The following SEM1 variants were observed in gnomAD, a reference collection of about 807,000 sequenced individuals.
The protein encoded by SEM1 is 26S proteasome complex subunit SEM1.
In SEM1, 3 loss-of-function variants were observed where a neutral mutation model predicts 12.7. The observed-to-expected ratio is 0.24, with a 90% CI of 0.11 to 0.61. The LOEUF is 0.61. Among genes scored for constraint, SEM1 ranks in the 20% least tolerant of loss-of-function variants. The probability of loss-of-function intolerance (pLI) is 0.88; values close to 1 mark genes in which losing one functional copy is unlikely to be tolerated. For synonymous variants in SEM1, 30 were observed against 27.8 expected, an observed-to-expected ratio of 1.08 and a Z score of -0.25; for missense variants, 59 against 81.3, an observed-to-expected ratio of 0.73 and a Z score of 1.06.
At chr7:96,696,956 G>C (rs1790116047) in intron 1 of SEM1, 1 of 151,928 alleles carries the variant, frequency 6.6e-6, no homozygotes, top group Non-Finnish European at 1.5e-5. Context: ...GTTAACTCCA[G>C]AAATAGTTTT....
At chr7:96,689,012 A>G in intron 2 of SEM1, 46 bp from the exon 3 acceptor site, 4 of 1,191,022 alleles carry the variant, frequency 3.4e-6, no homozygotes, top group Non-Finnish European at 5.0e-6. Flanking sequence ...TTTATAATAA[A>G]CATTCTTTTA....
chr7:96,708,367 A>T (rs1281916173), intron 1 of SEM1, among the ~76,000 whole-genome samples: 1 of 152,238 alleles, frequency 6.6e-6, no homozygotes, highest in Non-Finnish European at 1.5e-5. Context: ...CTCTTCCACT[A>T]AACAAAGTAA....
At chr7:96,670,047 A>T (rs1789273010), downstream of SEM1, among the ~76,000 whole-genome samples, 1 of 152,188 alleles carries the variant, frequency 6.6e-6, no homozygotes, top group Admixed American at 6.5e-5. Flanking sequence ...GGAGTAAATC[A>T]GGTGATTCTG....
At chr7:96,516,607 A>G (rs1485500251) in intron 2 of SEM1, among the ~76,000 whole-genome samples, 1 of 152,144 alleles carries the variant, frequency 6.6e-6, no homozygotes, top group African/African-American at 2.4e-5. Flanking sequence ...AGTGTGGAGA[A>G]CCAGGAACTC....
chr7:96,484,924 A>T, intron 2 of SEM1: 3 of 926,856 alleles, frequency 3.2e-6, no homozygotes, highest in Non-Finnish European at 4.5e-6. Context: ...CCCTGGTGGA[A>T]ATGGGAACAC....
intron 2 of SEM1, among the ~76,000 whole-genome samples, chr7:96,650,863 G>A (rs1278348776): frequency 6.6e-6 from 1 of 152,174 alleles, no homozygotes; most frequent in Non-Finnish European, 1.5e-5. Context: ...GCTTCCCAGA[G>A]CTAGTCTGGT....
At chr7:96,703,022 T>C (rs765716919) in intron 1 of SEM1, among the ~76,000 whole-genome samples, 1 of 152,220 alleles carries the variant, frequency 6.6e-6, no homozygotes, top group African/African-American at 2.4e-5. Flanking sequence ...CAGGACTCTA[T>C]AGTAAGACAT....
chr7:96,569,371 A>T (rs1805947684), intron 2 of SEM1, among the ~76,000 whole-genome samples: 1 of 152,078 alleles, frequency 6.6e-6, no homozygotes, highest in African/African-American at 2.4e-5. Context: ...AATACTGTGT[A>T]CTTTGCAGTG....
exon 4 of SEM1, chr7:96,483,656 G>A (rs1030776617): frequency 5.7e-5 from 34 of 600,990 alleles, no homozygotes; most frequent in South Asian, 1.9e-5. Context: ...ACTAGAATAT[G>A]TATTAACAAT....
At chr7:96,701,792 G>A (rs939096772) in intron 1 of SEM1, among the ~76,000 whole-genome samples, 1 of 152,080 alleles carries the variant, frequency 6.6e-6, no homozygotes, top group African/African-American at 2.4e-5. Flanking sequence ...AGTGTAGCAA[G>A]CTTATGAGGG....
At chr7:96,605,614 T>A (rs1342701919) in intron 2 of SEM1, among the ~76,000 whole-genome samples, 1 of 152,172 alleles carries the variant, frequency 6.6e-6, no homozygotes, top group Non-Finnish European at 1.5e-5. Context: ...TGCTTTCAAG[T>A]CCTTTTACCA....
chr7:96,622,904 G>A (rs779819880), intron 2 of SEM1: 48 of 423,842 alleles, frequency 1.1e-4, no homozygotes, highest in South Asian at 6.6e-4. Context: ...ATGCTTTGGG[G>A]TCAGTGCCAG....
At chr7:96,611,212 A>T (rs1357910822) in intron 2 of SEM1, among the ~76,000 whole-genome samples, 1 of 152,108 alleles carries the variant, frequency 6.6e-6, no homozygotes, top group Non-Finnish European at 1.5e-5. Flanking sequence ...AAGCTCTCAA[A>T]TCTCATCACT....
At chr7:96,703,972 A>AAT (rs544848457) in intron 1 of SEM1, among the ~76,000 whole-genome samples, 1 of 142,084 alleles carries the variant, frequency 7.0e-6, no homozygotes, top group African/African-American at 2.7e-5. Flanking sequence ...GTCTCTTAAA[A>AAT]ACACACACAC....
intron 1 of SEM1, among the ~76,000 whole-genome samples, chr7:96,489,148 G>A (rs1802896938): frequency 6.6e-6 from 1 of 152,088 alleles, no homozygotes; most frequent in South Asian, 2.1e-4. Context: ...ATTTTCAGAT[G>A]TACTCTCACA....
intron 1 of SEM1, chr7:96,696,358 T>C (rs1790096906): frequency 6.6e-6 from 1 of 152,032 alleles, no homozygotes; most frequent in African/African-American, 2.4e-5. Context: ...CAGTACTTCA[T>C]AGTTATGACA....
intron 1 of SEM1, among the ~76,000 whole-genome samples, chr7:96,491,657 C>G (rs570621897): frequency 2.0e-5 from 3 of 152,236 alleles, no homozygotes; most frequent in Admixed American, 2.0e-4. Flanking sequence ...TTAGACTTTG[C>G]GTAAAGAAAG....
chr7:96,580,973 A>G (rs1267057287), intron 2 of SEM1, among the ~76,000 whole-genome samples: 1 of 152,110 alleles, frequency 6.6e-6, no homozygotes, highest in Non-Finnish European at 1.5e-5. Context: ...CTTTAGTTTA[A>G]TTAGATCTCA....
At chr7:96,608,962 G>A (rs1293620639) in intron 2 of SEM1, among the ~76,000 whole-genome samples, 1 of 152,082 alleles carries the variant, frequency 6.6e-6, no homozygotes, top group East Asian at 1.9e-4. Flanking sequence ...TGGTTCACAT[G>A]GTAAACAGAA....
Sources: allele counts gnomAD v4.1 joint callset (sites outside exome capture counted in the v4.1 genomes callset), GRCh38; gene constraint gnomAD v4.1.1; transcripts MANE v1.5; gene names NCBI Gene and HGNC (gene_info 2026-07-23, HGNC 2026-07-21).